CD63: variants seen among roughly 807,000 people sequenced by gnomAD.
CD63 encodes CD63 antigen.
A neutral mutation model predicts 29.2 loss-of-function variants in CD63; 16 were observed. That is an observed-to-expected ratio of 0.55 (90% CI 0.37 to 0.83). CD63 has a LOEUF of 0.83. CD63 is among the 40% of genes least tolerant of loss of function. CD63 has a pLI of 0.00. For missense variants in CD63, 251 were observed against 297.3 expected, an observed-to-expected ratio of 0.84 and a Z score of 1.15; for synonymous variants, 118 against 111.7, an observed-to-expected ratio of 1.06 and a Z score of -0.36.
chr12:55,727,118 A>G, intron 3 of CD63, 33 bp downstream of exon 3: 1 of 1,599,436 alleles, frequency 6.3e-7, no homozygotes, highest in Non-Finnish European at 8.5e-7. Context: ...TGGCAGTCCC[A>G]GACCGCCCAT....
At chr12:55,724,317 T>C, downstream of CD63, 1 of 1,614,152 alleles carries the variant, frequency 6.2e-7, no homozygotes, top group Non-Finnish European at 8.5e-7. Flanking sequence ...CCTATGGGGC[T>C]GCAGACCTGA....
intron 7 of CD63, 85 bp from the exon 8 acceptor site, chr12:55,725,711 C>A (rs1311143233): frequency 1.3e-6 from 2 of 1,517,790 alleles, no homozygotes; most frequent in African/African-American, 2.7e-5. Flanking sequence ...CAAACACACA[C>A]TCCCAGGCCA....
Position 55,728,347 on chromosome 12 carries a change from C to A in CD63, c.-6G>T, listed in dbSNP as rs777528766. On this transcript the variant is annotated 5_prime_UTR_variant, in exon 2 of 8. Coordinates refer to ENST00000257857, the MANE Select transcript of CD63 (RefSeq NM_001780.6). This position sits in a 1 kb window ranked among gnomAD's most constrained non-coding sequence, Gnocchi z 4.8. ...ATTCCTCCTTCCACCGCCATGGCTG[C>A]CGGGCCTGGGGCAGAGGGGAGGGCG... is the stretch of plus-strand genomic sequence containing the variant. 9.3e-6 allele frequency: 15 copies of A among 1,609,574 alleles called. No individual in the cohort carries two copies. Among genetic ancestry groups the A allele is most frequent in the Non-Finnish European group, 1.2e-5 (14 of 1,178,658 alleles).
chr12:55,724,016 C>A (rs763443181), downstream of CD63: 16 of 1,612,698 alleles, frequency 9.9e-6, no homozygotes, highest in Non-Finnish European at 1.4e-5. Flanking sequence ...TCCTGCCACA[C>A]AGGCCCACTA....
Position 55,726,272 on chromosome 12 carries a change from G to A in CD63, c.427-11C>T. ...CCCACAGCACTTAAACTGGGGGAGG[G>A]AAGAAATATGGAGAAGAAGGTTGTT... On this transcript the variant is annotated splice_polypyrimidine_tract_variant and intron_variant, in intron 5 of 7. Coordinates refer to ENST00000257857, the MANE Select transcript of CD63 (RefSeq NM_001780.6). 1 of 1,606,776 alleles carries A rather than the reference G, an allele frequency of 6.2e-7. No individual in the cohort carries two copies. The highest frequency in any genetic ancestry group is 8.5e-7 in the Non-Finnish European group (1 of 1,176,040).
chr12:55,727,085 C>T, intron 3 of CD63, 66 bp downstream of exon 3: 1 of 1,498,970 alleles, frequency 6.7e-7, no homozygotes, highest in Non-Finnish European at 9.2e-7. Context: ...CACCCACCTT[C>T]CTGAGCCCGA....
chr12:55,727,172 C>G lies in CD63; in HGVS notation c.234G>C (p.Glu78Asp), dbSNP rs762661181. The change falls in exon 3 of 8, where the codon GAG becomes GAC. Residue 78 changes from glutamate to aspartate, a missense_variant. Coordinates refer to ENST00000257857, the MANE Select transcript of CD63 (RefSeq NM_001780.6). Reference protein sequence around the residue: ...AFVGCCGACKENYCLMITFAI... With the variant: ...AFVGCCGACKDNYCLMITFAI... ...TCACCGTGATCATAAGACAATAGTT[C>G]TCCTTGCAGGCCCCGCAGCAGCCCA... 1.2e-6 allele frequency: 2 copies of G among 1,613,272 alleles called. No individual in the cohort carries two copies. The highest frequency in any genetic ancestry group is 3.3e-5 in the Admixed American group (2 of 59,974).
chr12:55,724,566 A>T (rs1208196098), downstream of CD63: 1 of 1,601,894 alleles, frequency 6.2e-7, no homozygotes, highest in Non-Finnish European at 8.5e-7. Flanking sequence ...CCAGCAAGAG[A>T]TTGTTTTTCA....
downstream of CD63, chr12:55,723,642 AT>A (rs1352300593): frequency 5.7e-6 from 3 of 524,912 alleles, no homozygotes; most frequent in Non-Finnish European, 1.0e-5. Context: ...CATGCTTAAA[AT>A]ATTAACTCTC....
chr12:55,726,932 C>T lies in CD63; in HGVS notation c.288G>A (p.Val96=). ...FAIFLSLIML[V]EVAAAIAGYV... Reference sequence around the variant, plus strand: ...AGCCAGCAATGGCTGCGGCCACCTCCACCAACATGATAAGAGACAGAAAGA... The same window carrying T: ...AGCCAGCAATGGCTGCGGCCACCTCTACCAACATGATAAGAGACAGAAAGA... Residue 96 remains valine (V), a synonymous_variant, in exon 4 of 8, where the codon GTG becomes GTA. Coordinates refer to ENST00000257857, the MANE Select transcript of CD63 (RefSeq NM_001780.6). The T allele has an allele frequency of 6.2e-7, 1 of 1,614,138 alleles. No homozygotes were observed. The highest frequency in any genetic ancestry group is 1.1e-5 in the South Asian group (1 of 91,076).
chr12:55,727,670 G>GA (rs1877563792), intron 2 of CD63: 1 of 1,085,346 alleles, frequency 9.2e-7, no homozygotes, highest in Non-Finnish European at 1.1e-6. Flanking sequence ...TCCCAGAACT[G>GA]CCCCCTCACT....
chr12:55,726,436 C>T, intron 5 of CD63, 175 bp from the exon 6 acceptor site: 2 of 667,852 alleles, frequency 3.0e-6, no homozygotes, highest in South Asian at 4.0e-5. Flanking sequence ...CCTCCGCCTC[C>T]CGGGTTCAAG....
At chr12:55,723,826 C>T (rs1036591325), downstream of CD63, 28 of 1,593,160 alleles carry the variant, frequency 1.8e-5, no homozygotes, top group Non-Finnish European at 2.2e-5. Context: ...AACCCATGTC[C>T]CTCAAAGTCC....
chr12:55,723,949 TGTGA>T, downstream of CD63: 1 of 1,614,142 alleles, frequency 6.2e-7, no homozygotes, highest in Non-Finnish European at 8.5e-7. Context: ...TCCGAACCCC[TGTGA>T]CCAACCTGGA....
chr12:55,724,469 C>T, downstream of CD63: 1 of 1,613,984 alleles, frequency 6.2e-7, no homozygotes, highest in Non-Finnish European at 8.5e-7. Flanking sequence ...TGGCTGCCTG[C>T]CTCCTACCTG....
Position 55,726,198 on chromosome 12 carries a change from G to C in CD63, c.490C>G (p.Arg164Gly). 6.2e-7 allele frequency: 1 copy of C among 1,613,914 alleles called. No homozygotes were observed. The highest frequency in any genetic ancestry group is 8.5e-7 in the Non-Finnish European group (1 of 1,179,946). ...WEKIPSMSKN[R>G]VPDSCCINVT... is the part of the protein sequence containing the mutation. ...TTAATGCAGCAGGAGTCGGGGACTCGGTTCTTCGACATGGAAGGGATTTTC... is the reference window on the plus strand; with the variant it reads ...TTAATGCAGCAGGAGTCGGGGACTCCGTTCTTCGACATGGAAGGGATTTTC... The change falls in exon 6 of 8, where the codon CGA becomes GGA. Residue 164 changes from arginine to glycine, a missense_variant. Arg to Gly is a moderately radical substitution (Grantham distance 125). Coordinates refer to ENST00000257857, the MANE Select transcript of CD63 (RefSeq NM_001780.6).
At position 55,728,521 on chromosome 12, in the gene CD63, GGA is replaced by G; in HGVS notation, c.-11-171_-11-170del. Reference sequence around the variant, plus strand: ...TCTCCCAGCCCCCTCTTTACCCGCAGGAGAGGGGTGGGGGCGACGGCCGCGAA... The same window carrying G: ...TCTCCCAGCCCCCTCTTTACCCGCAGGAGGGGTGGGGGCGACGGCCGCGAA... On this transcript the variant is annotated intron_variant, in intron 1 of 7. Coordinates refer to ENST00000257857, the MANE Select transcript of CD63 (RefSeq NM_001780.6). The surrounding 1 kb of genome is among the most constrained non-coding windows in gnomAD (Gnocchi z 4.8). 1.4e-6 allele frequency: 2 copies of G among 1,453,078 alleles called. No homozygotes were observed. The highest frequency in any genetic ancestry group is 5.0e-5 in the East Asian group (2 of 40,020). 90.0% of individuals were successfully genotyped at this position (1,453,078 alleles called of 1,614,324 possible). A position where few individuals can be genotyped will look rare whatever the true frequency, so the allele number is the denominator to read the frequency against.
downstream of CD63, chr12:55,725,292 C>T: frequency 3.8e-6 from 2 of 526,724 alleles, no homozygotes; most frequent in Non-Finnish European, 6.8e-6. Context: ...ACCACAGTCT[C>T]TGGATCCTCA....
At chr12:55,723,978 C>A (rs1028516248), downstream of CD63, 4 of 1,613,920 alleles carry the variant, frequency 2.5e-6, no homozygotes, top group African/African-American at 4.0e-5. Context: ...CTGGAGAAAA[C>A]CCTGCAGGCC....
Sources: gnomAD v4.1 joint callset for allele counts on GRCh38, gnomAD v4.1.1 for gene constraint, Gnocchi (gnomAD v3.1) non-coding constraint, MANE v1.5 for transcripts, NCBI Gene and HGNC (gene_info 2026-07-23, HGNC 2026-07-21) for gene names.